Variants in IQCH observed in about 807,000 individuals in gnomAD.
IQCH encodes IQ domain-containing protein H.
IQCH carries 98 observed loss-of-function variants against 117.0 expected under a neutral mutation model. That is an observed-to-expected ratio of 0.84 (90% confidence interval 0.71 to 0.99). The LOEUF is 0.99. IQCH is among the 50% of genes least tolerant of loss of function. IQCH has a pLI of 0.00. For synonymous variants in IQCH, 412 were observed against 448.2 expected (o/e 0.92, Z 1.02); for missense variants, 1,102 against 1,243.8 (o/e 0.89, Z 1.72).
At chr15:67,279,828 C>T (rs1350987748) in intron 4 of IQCH, among the ~76,000 whole-genome samples, 1 of 152,028 alleles carries the variant, frequency 6.6e-6, no homozygotes, top group East Asian at 1.9e-4. Flanking sequence ...TGGTAAAACC[C>T]CGTCTCTACT....
chr15:67,279,439 A>C lies in IQCH; in HGVS notation c.314A>C (p.Gln105Pro). 6.2e-7 allele frequency: 1 copy of C among 1,609,860 alleles called. No homozygotes were observed. Among genetic ancestry groups the C allele is most frequent in the Non-Finnish European group, 8.5e-7 (1 of 1,177,236 alleles). Residue 105 changes from glutamine to proline, a missense_variant, in exon 4 of 21, where the codon CAG (glutamine) becomes CCG (proline). Gln to Pro is a moderately conservative substitution (Grantham distance 76, BLOSUM62 -1). Transcript: ENST00000335894. ...GATCAGAAATCATTTATTTTCCCTC[A>C]GGAATCTGAGGGTACATTTTGGCAA... ...VIDQKSFIFPQESEGTFWQPQ... is the reference protein window; with the variant it reads ...VIDQKSFIFPPESEGTFWQPQ...
chr15:67,338,496 A>G (rs1969001534), intron 5 of IQCH, among the ~76,000 whole-genome samples: 1 of 152,180 alleles, frequency 6.6e-6, no homozygotes, highest in Admixed American at 6.5e-5. Context: ...CCACAGAAAT[A>G]TAAATACAGT....
rs1034628572 is a variant in IQCH, at chr15:67,489,904, T to C, written c.2800-99T>C. On this transcript the variant is annotated intron_variant, in intron 18 of 20. Transcript: ENST00000335894. ...TCTGAAGGTAGCTCTAGATTTCAAA[T>C]CAAATCAATCTTAGTAGTCTTTCTG... The C allele has an allele frequency of 4.6e-6, 4 of 876,082 alleles. No homozygotes were observed. The African/African-American group carries it at 6.7e-5, about 15-fold the overall frequency. The allele number at this position is 876,082 out of a possible 1,614,324, so 54.3% of individuals were successfully genotyped here.
chr15:67,454,545 C>G lies in IQCH; in HGVS notation c.2506-10582C>G, dbSNP rs1190562886. On this transcript the variant is annotated intron_variant, in intron 16 of 20. Coordinates refer to ENST00000335894, the MANE Select transcript of IQCH (RefSeq NM_001031715.3). The surrounding 1 kb of genome is among the most constrained non-coding windows in gnomAD (Gnocchi z 5.2). ...CTCAACCCCAAAAAAGAATGCTGTA[C>G]ACATTAGAAGTCACTCCCCATACCT... 6.6e-6 allele frequency among the ~76,000 whole-genome samples: 1 copy of G among 152,208 alleles called. No individual in the cohort carries two copies. Among genetic ancestry groups the G allele is most frequent in the Non-Finnish European group, 1.5e-5 (1 of 68,040 alleles).
At chr15:67,414,340 A>G (rs2081521365) in intron 14 of IQCH, among the ~76,000 whole-genome samples, 1 of 152,152 alleles carries the variant, frequency 6.6e-6, no homozygotes, top group African/African-American at 2.4e-5. Flanking sequence ...AGAGCTGGAG[A>G]GCACGGAGAA....
chr15:67,419,327 TTC>T (rs1276759274), intron 15 of IQCH, among the ~76,000 whole-genome samples: 1 of 152,162 alleles, frequency 6.6e-6, no homozygotes, highest in African/African-American at 2.4e-5. Flanking sequence ...GCTTCTGCCT[TTC>T]TCTCGACCCA....
Position 67,359,646 on chromosome 15 carries a change from C to T in IQCH, c.715-201C>T, listed in dbSNP as rs756685717. The stretch of plus-strand genomic sequence containing the variant: ...AATCAAACTCTTTCTTCAAAGCAAA[C>T]GGGGCTTGGCAAACAGAGCATCGTT... On this transcript the variant is annotated intron_variant, in intron 7 of 20. Transcript: ENST00000335894. This position sits in a 1 kb window ranked among gnomAD's most constrained non-coding sequence, Gnocchi z 4.5. Among the ~76,000 whole-genome samples, 1 of 152,166 alleles carries T rather than the reference C, an allele frequency of 6.6e-6. No homozygotes were observed. Among genetic ancestry groups the T allele is most frequent in the African/African-American group, 2.4e-5 (1 of 41,420 alleles).
chr15:67,298,138 G>A (rs1001957574), intron 4 of IQCH, among the ~76,000 whole-genome samples: 34 of 151,854 alleles, frequency 2.2e-4, no homozygotes, highest in African/African-American at 7.5e-4. Context: ...GTGAAACCCC[G>A]TCTCTACTAA....
At chr15:67,345,340 A>C (rs1250229403) in intron 6 of IQCH, among the ~76,000 whole-genome samples, 1 of 152,196 alleles carries the variant, frequency 6.6e-6, no homozygotes, top group African/African-American at 2.4e-5. Flanking sequence ...AAGCTTATTT[A>C]TCCACCCCTC....
intron 16 of IQCH, among the ~76,000 whole-genome samples, chr15:67,423,099 T>C (rs2081791057): frequency 6.6e-6 from 1 of 152,240 alleles, no homozygotes; most frequent in South Asian, 2.1e-4. Context: ...CCATTGGTTT[T>C]ACATTCTGTT....
Position 67,465,029 on chromosome 15 carries a change from A to T in IQCH, c.2506-98A>T. On this transcript the variant is annotated intron_variant, in intron 16 of 20. Coordinates refer to ENST00000335894, the MANE Select transcript of IQCH (RefSeq NM_001031715.3). This position sits in a 1 kb window ranked among gnomAD's most constrained non-coding sequence, Gnocchi z 5.9. Reference sequence around the variant, plus strand: ...ATTAAGACACATGGTCACTGGTTTCACTTAGTCTGATGTAGTTTGGTCTGG... The same window carrying T: ...ATTAAGACACATGGTCACTGGTTTCTCTTAGTCTGATGTAGTTTGGTCTGG... The T allele has an allele frequency of 2.7e-6, 3 of 1,094,754 alleles. No individual in the cohort carries two copies. The highest frequency in any genetic ancestry group is 1.6e-5 in the African/African-American group (1 of 63,904). The allele number at this position is 1,094,754 out of a possible 1,614,324, so 67.8% of individuals were successfully genotyped here.
chr15:67,472,527 A>G lies in IQCH; in HGVS notation c.2677-3169A>G, dbSNP rs1047157157. On this transcript the variant is annotated intron_variant, in intron 17 of 20. Transcript: ENST00000335894. The surrounding 1 kb of genome is among the most constrained non-coding windows in gnomAD (Gnocchi z 4.3). Reference sequence around the variant, plus strand: ...GGGAAAAAACAGCCTGGGAAGTTACATTTATTGTAGATCCAAAATCCTTTC... The same window carrying G: ...GGGAAAAAACAGCCTGGGAAGTTACGTTTATTGTAGATCCAAAATCCTTTC... Among the ~76,000 whole-genome samples, 1 of 152,228 alleles carries G rather than the reference A, an allele frequency of 6.6e-6. No homozygotes were observed. The highest frequency in any genetic ancestry group is 1.5e-5 in the Non-Finnish European group (1 of 68,036).
At chr15:67,498,473 C>A (rs545785894) in intron 20 of IQCH, among the ~76,000 whole-genome samples, 1 of 151,966 alleles carries the variant, frequency 6.6e-6, no homozygotes, top group African/African-American at 2.4e-5. Flanking sequence ...AAAAATTACC[C>A]AGGCATGTGG....
rs534150784 is a variant in IQCH at position 67,281,006 on chromosome 15, C to T, written c.387+1494C>T. Among the ~76,000 whole-genome samples, 73 of 152,130 alleles carry T rather than the reference C, an allele frequency of 4.8e-4. 1 individual carries two copies. The highest frequency in any genetic ancestry group is 1.6e-3 in the African/African-American group (65 of 41,486). On this transcript the variant is annotated intron_variant, in intron 4 of 20. Transcript: ENST00000335894. ...GATTATAGGCACCCACCACCACGCC[C>T]GGCTAATTTTTATATTTTTAGTAGA...
intron 1 of IQCH, among the ~76,000 whole-genome samples, chr15:67,256,557 C>T (rs761536680): frequency 5.9e-5 from 9 of 152,188 alleles, no homozygotes; most frequent in Non-Finnish European, 8.8e-5. Context: ...ACATCCCAGG[C>T]GCCTAGAGAT....
At chr15:67,257,026 G>A (rs1965249137) in intron 1 of IQCH, among the ~76,000 whole-genome samples, 2 of 152,102 alleles carry the variant, frequency 1.3e-5, no homozygotes, top group South Asian at 2.1e-4. Context: ...TTCTATTTGG[G>A]GCTATGATTT....
At chr15:67,291,038 G>A (rs1966733224) in intron 4 of IQCH, among the ~76,000 whole-genome samples, 1 of 152,128 alleles carries the variant, frequency 6.6e-6, no homozygotes. Flanking sequence ...ATCCACTCTG[G>A]AAAACACTGC....
chr15:67,464,467 A>G (rs1038604905), intron 16 of IQCH, among the ~76,000 whole-genome samples: 6 of 152,110 alleles, frequency 3.9e-5, no homozygotes, highest in Admixed American at 1.3e-4. Flanking sequence ...TTTTATTTTT[A>G]TTGCATCATA....
At chr15:67,455,409 C>T (rs542836146) in intron 16 of IQCH, among the ~76,000 whole-genome samples, 1 of 152,328 alleles carries the variant, frequency 6.6e-6, no homozygotes, top group East Asian at 1.9e-4. Context: ...TTTGAGGGGA[C>T]TGGACTAGAC....
Sources: allele counts gnomAD v4.1 joint callset (sites outside exome capture counted in the v4.1 genomes callset), GRCh38; gene constraint gnomAD v4.1.1; non-coding constraint Gnocchi (gnomAD v3.1); transcripts MANE v1.5; gene names NCBI Gene and HGNC (gene_info 2026-07-23, HGNC 2026-07-21).